Variants in SCGB2A1 observed in about 807,000 individuals in gnomAD.
The protein encoded by SCGB2A1 is mammaglobin-B.
SCGB2A1 carries 6 observed loss-of-function variants against 9.2 expected under a neutral mutation model. That is an observed-to-expected ratio of 0.66 (90% CI 0.36 to 1.29). SCGB2A1 has a LOEUF of 1.29. SCGB2A1 is among the 50% of genes most tolerant of loss of function. The pLI, the probability that SCGB2A1 is intolerant of heterozygous loss-of-function variation, is 0.03. For synonymous variants in SCGB2A1, 37 were observed against 41.0 expected (o/e 0.90, Z 0.37); for missense variants, 138 against 116.9 (o/e 1.18, Z -0.83).
intron 1 of SCGB2A1, 75 bp from the exon 2 acceptor site, chr11:62,210,338 C>CATCTGTAGA (rs1944818428): frequency 6.7e-7 from 1 of 1,502,070 alleles, no homozygotes; most frequent in African/African-American, 1.4e-5. Flanking sequence ...CTTCCCAATT[C>CATCTGTAGA]ATCTGTAGAA....
At chr11:62,209,766 G>A (rs545191793) in intron 1 of SCGB2A1, among the ~76,000 whole-genome samples, 5 of 151,838 alleles carry the variant, frequency 3.3e-5, no homozygotes, top group East Asian at 3.9e-4. Context: ...CCTCTTCCTC[G>A]AAGGCTCAAG....
rs745608043 is a variant in SCGB2A1, at chr11:62,210,462, C to T, written c.105C>T (p.Ser35=). 24 of 1,580,512 alleles carry T rather than the reference C, an allele frequency of 1.5e-5. No homozygotes were observed. Among genetic ancestry groups the T allele is most frequent in the Admixed American group, 5.5e-5 (3 of 54,074 alleles). ...ACATGGTTGAAAAGACCATCAATTC[C>T]GACATATCTATACCTGAATACAAAG... ...LEDMVEKTIN[S]DISIPEYKEL... is the part of the protein sequence containing the mutation. Residue 35 remains serine, a synonymous_variant, in exon 2 of 3, where the codon TCC becomes TCT. Coordinates refer to ENST00000244930, the MANE Select transcript of SCGB2A1 (RefSeq NM_002407.3).
In SCGB2A1 at chr11:62,208,789, G is replaced by A; in HGVS notation, c.55+3G>A. 6.2e-7 allele frequency: 1 copy of A among 1,613,076 alleles called. No individual in the cohort carries two copies. Among genetic ancestry groups the A allele is most frequent in the Non-Finnish European group, 8.5e-7 (1 of 1,179,822 alleles). On this transcript the variant is annotated splice_donor_region_variant and intron_variant, in intron 1 of 2. Transcript: ENST00000244930. ...CCTCCTCCTGCACTGCTATGCAGGT[G>A]AGTTCTGGGCAGAGAGGGCTGCTTC...
At chr11:62,213,041 T>C (rs61893726) in intron 2 of SCGB2A1, among the ~76,000 whole-genome samples, 2,082 of 118,142 alleles carry the variant, frequency 0.018, 106 homozygotes, top group African/African-American at 0.056. Context: ...CACACATATA[T>C]ACATATATAC....
intron 2 of SCGB2A1, 100 bp downstream of exon 2, chr11:62,210,700 C>A: frequency 2.3e-6 from 2 of 878,614 alleles, no homozygotes; most frequent in Non-Finnish European, 3.3e-6. Context: ...GGTGAACAAA[C>A]TTTCTTTATA....
chr11:62,212,770 C>T (rs1206804693), intron 2 of SCGB2A1, among the ~76,000 whole-genome samples: 2 of 151,950 alleles, frequency 1.3e-5, no homozygotes, highest in Non-Finnish European at 2.9e-5. Flanking sequence ...GAGTCTTGCT[C>T]TTTTGCCCAG....
At chr11:62,212,973 T>TATGTACACAC (rs1291032797) in intron 2 of SCGB2A1, among the ~76,000 whole-genome samples, 2 of 138,760 alleles carry the variant, frequency 1.4e-5, no homozygotes, top group African/African-American at 5.3e-5. Context: ...TATGTACACA[T>TATGTACACAC]ATATGTGCAC....
intron 2 of SCGB2A1, among the ~76,000 whole-genome samples, chr11:62,213,012 G>GCACACATATA (rs1554985850): frequency 2.2e-5 from 3 of 139,022 alleles, no homozygotes; most frequent in Admixed American, 7.2e-5. Flanking sequence ...ACACATATAT[G>GCACACATATA]CACATATATA....
Position 62,213,782 on chromosome 11 carries a change from G to A in SCGB2A1, c.*12G>A, listed in dbSNP as rs1389988108. On this transcript the variant is annotated 3_prime_UTR_variant, in exon 3 of 3. Coordinates refer to ENST00000244930, the MANE Select transcript of SCGB2A1 (RefSeq NM_002407.3). ...TGAAGAGTAATTAACTTTACCCAAG[G>A]CGTTTGGCTCAGAGGGCTACAGACT... 1.1e-5 allele frequency: 17 copies of A among 1,613,234 alleles called. No homozygotes were observed. Among genetic ancestry groups the A allele is most frequent in the Non-Finnish European group, 1.4e-5 (16 of 1,179,370 alleles).
intron 2 of SCGB2A1, among the ~76,000 whole-genome samples, chr11:62,213,106 A>ATATATATATATTTTTT (rs67975205): frequency 8.6e-6 from 1 of 116,252 alleles, no homozygotes; most frequent in Non-Finnish European, 1.7e-5. Context: ...ATATATATAT[A>ATATATATATATTTTTT]TTTTTTTTTT....
intron 1 of SCGB2A1, 119 bp downstream of exon 1, chr11:62,208,905 G>A (rs1002938356): frequency 1.1e-6 from 1 of 943,208 alleles, no homozygotes; most frequent in East Asian, 2.6e-5. Context: ...GGGCCTGGGT[G>A]CGATAGGCCT....
intron 1 of SCGB2A1, among the ~76,000 whole-genome samples, chr11:62,209,389 C>G (rs570877589): frequency 3.3e-5 from 5 of 152,292 alleles, no homozygotes; most frequent in African/African-American, 9.6e-5. Flanking sequence ...CTGGAATCAG[C>G]GCTAATATTT....
intron 2 of SCGB2A1, among the ~76,000 whole-genome samples, chr11:62,211,939 C>T (rs905201220): frequency 2.0e-5 from 3 of 151,376 alleles, no homozygotes; most frequent in South Asian, 2.1e-4. Flanking sequence ...TCGTTTTTTT[C>T]GAGATGGAGT....
chr11:62,211,709 GA>G (rs1051339748), intron 2 of SCGB2A1, among the ~76,000 whole-genome samples: 1 of 151,830 alleles, frequency 6.6e-6, no homozygotes, highest in Non-Finnish European at 1.5e-5. Flanking sequence ...CTAAAATAAA[GA>G]ATTTAAAATG....
chr11:62,212,046 C>T (rs187226923), intron 2 of SCGB2A1, among the ~76,000 whole-genome samples: 31 of 151,854 alleles, frequency 2.0e-4, no homozygotes, highest in Non-Finnish European at 3.1e-4. Flanking sequence ...CCTCAGTCTT[C>T]GGAGTAGCTG....
At position 62,209,513 on chromosome 11, in the gene SCGB2A1, T is replaced by C. The variant is rs558740183; in HGVS notation, c.55+727T>C. Among the ~76,000 whole-genome samples the C allele has an allele frequency of 1.1e-4, 16 of 152,244 alleles. No homozygotes were observed. The South Asian group carries it at 3.3e-3, about 32-fold the overall frequency. ...GGTGACAAGCTCACAGTCAACTAAC[T>C]GGAAAATCACAAAGTCCAGAGCACA... is the stretch of plus-strand genomic sequence containing the variant. On this transcript the variant is annotated intron_variant, in intron 1 of 2. Transcript: ENST00000244930.
At chr11:62,211,663 G>A (rs544197911) in intron 2 of SCGB2A1, among the ~76,000 whole-genome samples, 5 of 152,008 alleles carry the variant, frequency 3.3e-5, no homozygotes, top group Admixed American at 1.3e-4. Flanking sequence ...GCCTCCCAAA[G>A]TGCTGGGATT....
chr11:62,210,293 C>T lies in SCGB2A1; in HGVS notation c.56-120C>T. Reference sequence around the variant, plus strand: ...CATACTGCACCAAAATCTTTCTGAACCTCGGTCTGTCCCTGGAGGTACGAA... The same window carrying T: ...CATACTGCACCAAAATCTTTCTGAATCTCGGTCTGTCCCTGGAGGTACGAA... On this transcript the variant is annotated intron_variant, in intron 1 of 2. Transcript: ENST00000244930. The T allele has an allele frequency of 5.6e-6, 7 of 1,249,118 alleles. No individual in the cohort carries two copies. In the South Asian group the frequency reaches 9.9e-5, roughly 18 times the overall value. The allele number at this position is 1,249,118 out of a possible 1,614,324, so 77.4% of individuals were successfully genotyped here.
In SCGB2A1 at chr11:62,213,872, G is replaced by T; in HGVS notation, c.*102G>T. The T allele has an allele frequency of 2.1e-6, 2 of 953,200 alleles. No homozygotes were observed. The highest frequency in any genetic ancestry group is 2.2e-5 in the Admixed American group (1 of 44,574). 59.0% of individuals were successfully genotyped at this position (953,200 alleles called of 1,614,324 possible). ...TCTTTCTTGTGTTGTCTTTTTATGT[G>T]GAAACTGCTAGACAACTGTTGAAAC... On this transcript the variant is annotated 3_prime_UTR_variant, in exon 3 of 3. Coordinates refer to ENST00000244930, the MANE Select transcript of SCGB2A1 (RefSeq NM_002407.3).
Sources: gnomAD v4.1 joint callset for allele counts (sites outside exome capture counted in the v4.1 genomes callset) on GRCh38, gnomAD v4.1.1 for gene constraint, MANE v1.5 for transcripts, NCBI Gene and HGNC (gene_info 2026-07-23, HGNC 2026-07-21) for gene names.